UTP25: variants seen among roughly 807,000 people sequenced by gnomAD.
UTP25 encodes UTP25 small subunit processome component.
Under a neutral mutation model 78.9 loss-of-function variants are expected in UTP25, and 50 were observed. That is an observed-to-expected ratio of 0.63 (90% CI 0.50 to 0.80). The LOEUF is 0.80. UTP25 is among the 30% of genes least tolerant of loss of function. UTP25 has a pLI of 0.00. For missense variants in UTP25, 846 were observed against 911.3 expected (o/e 0.93, Z 0.92); for synonymous variants, 329 against 336.5 (o/e 0.98, Z 0.24).
At chr1:209,833,108 C>A (rs1471394486) in intron 3 of UTP25, 77 bp from the exon 4 acceptor site, 2 of 1,374,584 alleles carry the variant, frequency 1.5e-6, no homozygotes, top group Non-Finnish European at 2.0e-6. Flanking sequence ...GTTGGTATAG[C>A]CTAAGGAAAT....
chr1:209,830,905 G>A lies in UTP25; in HGVS notation c.250G>A (p.Glu84Lys), dbSNP rs2078099542. The change falls in exon 3 of 12, where the codon GAG (glutamate) becomes AAG (lysine). Residue 84 changes from glutamate (E) to lysine (K), a missense_variant. Glu to Lys is a moderately conservative substitution (Grantham distance 56). Transcript: ENST00000491415. ...RLLATLKNVS[E>K]EEEEDEEEEE... ...ACTTGCTACATTAAAGAATGTTTCT[G>A]AGGAAGAAGAGGAAGATGAGGAGGA... 2 of 1,613,810 alleles carry A rather than the reference G, an allele frequency of 1.2e-6. No individual in the cohort carries two copies. The highest frequency in any genetic ancestry group is 1.3e-5 in the African/African-American group (1 of 74,904).
intron 7 of UTP25, among the ~76,000 whole-genome samples, chr1:209,840,399 T>C (rs2078159753): frequency 6.6e-6 from 1 of 152,232 alleles, no homozygotes; most frequent in Non-Finnish European, 1.5e-5. Flanking sequence ...TGGAAACTAT[T>C]AGCAAGGAAA....
Position 209,836,635 on chromosome 1 carries a change from TC to T in UTP25, c.652-164del, listed in dbSNP as rs142891522. Among the ~76,000 whole-genome samples, 1,282 of 152,286 alleles carry T rather than the reference TC, an allele frequency of 8.4e-3. 20 individuals are homozygous for T. The highest frequency in any genetic ancestry group is 0.029 in the African/African-American group (1,223 of 41,564). On this transcript the variant is annotated intron_variant, in intron 5 of 11. Transcript: ENST00000491415. Reference sequence around the variant, plus strand: ...CAACCTCTGTATGAACCTCAGTGCTTCCTAAACTATAACATGAGTATCATGG... The same window carrying T: ...CAACCTCTGTATGAACCTCAGTGCTTCTAAACTATAACATGAGTATCATGG...
chr1:209,846,011 C>A (rs1370268262), intron 11 of UTP25, among the ~76,000 whole-genome samples: 1 of 151,944 alleles, frequency 6.6e-6, no homozygotes, highest in Non-Finnish European at 1.5e-5. Context: ...ATTGCATCAC[C>A]ACGCCTGGCT....
chr1:209,839,982 A>C (rs572238314), intron 7 of UTP25, among the ~76,000 whole-genome samples: 1 of 152,312 alleles, frequency 6.6e-6, no homozygotes, highest in Non-Finnish European at 1.5e-5. Context: ...CCAGTTTCAA[A>C]GGGAGGTGGC....
chr1:209,842,948 T>A, intron 10 of UTP25: 2 of 465,674 alleles, frequency 4.3e-6, no homozygotes, highest in Non-Finnish European at 7.6e-6. Context: ...CTCTTGACTG[T>A]GGCATTTTAA....
At position 209,852,782 on chromosome 1, in the gene UTP25, A is replaced by G. The variant is rs902266185; in HGVS notation, c.*1335A>G. The G allele has an allele frequency of 1.3e-5, 2 of 152,204 alleles. No homozygotes were observed. Among genetic ancestry groups the G allele is most frequent in the African/African-American group, 4.8e-5 (2 of 41,438 alleles). The allele number at this position is 152,204 out of a possible 1,614,324, so 9.4% of individuals were successfully genotyped here. A position where few individuals can be genotyped will look rare whatever the true frequency, so the allele number is the denominator to read the frequency against. Reference sequence around the variant, plus strand: ...TGGTCAGAACTTGGGAATTGTGTACATGTATGCACACACATATGTACACAC... The same window carrying G: ...TGGTCAGAACTTGGGAATTGTGTACGTGTATGCACACACATATGTACACAC... On this transcript the variant is annotated 3_prime_UTR_variant, in exon 12 of 12. Coordinates refer to ENST00000491415, the MANE Select transcript of UTP25 (RefSeq NM_014388.7).
chr1:209,837,252 G>T, intron 6 of UTP25, 41 bp downstream of exon 6: 3 of 1,587,304 alleles, frequency 1.9e-6, no homozygotes, highest in Non-Finnish European at 2.6e-6. Context: ...GGAGGTGGCT[G>T]CAAGGCACTG....
At chr1:209,846,479 A>G (rs126280) in intron 11 of UTP25, among the ~76,000 whole-genome samples, 120,398 of 152,062 alleles carry the variant, frequency 0.79, 47,697 homozygotes, top group African/African-American at 0.82. Context: ...GCTGCTGGGA[A>G]TTTCTGATTA....
chr1:209,837,115 T>C lies in UTP25; in HGVS notation c.966T>C (p.Asn322=), dbSNP rs145063139. 4.7e-4 allele frequency: 759 copies of C among 1,614,138 alleles called. 3 individuals are homozygous for C. In the African/African-American group the frequency reaches 9.0e-3, roughly 19 times the overall value. ...LHVINHILKA[N]AQVLGNNSRR... ...TGATAAATCACATCCTCAAAGCCAA[T>C]GCCCAGGTGCTTGGCAACAATAGCA... is the stretch of plus-strand genomic sequence containing the variant. Residue 322 remains asparagine (N), a synonymous_variant, in exon 6 of 12, where the codon AAT becomes AAC. Transcript: ENST00000491415.
chr1:209,833,294 C>A lies in UTP25; in HGVS notation c.498C>A (p.Phe166Leu), dbSNP rs1310799274. The part of the protein sequence containing the change: ...EFTDAKHESL[F>L]SLETNFLEEE... ...CAGATGCAAAACACGAGTCACTGTTCAGCCTGGAAACCAATTTTCTGGAAG... is the reference window on the plus strand; with the variant it reads ...CAGATGCAAAACACGAGTCACTGTTAAGCCTGGAAACCAATTTTCTGGAAG... The change falls in exon 4 of 12, where the codon TTC (phenylalanine) becomes TTA (leucine). Residue 166 changes from phenylalanine (F) to leucine (L), a missense_variant. Transcript: ENST00000491415. 9 of 1,600,556 alleles carry A rather than the reference C, an allele frequency of 5.6e-6. No individual in the cohort carries two copies. The highest frequency in any genetic ancestry group is 7.7e-6 in the Non-Finnish European group (9 of 1,176,090).
At chr1:209,846,099 C>T (rs975903302) in intron 11 of UTP25, among the ~76,000 whole-genome samples, 4 of 152,074 alleles carry the variant, frequency 2.6e-5, no homozygotes, top group African/African-American at 7.2e-5. Flanking sequence ...ATGTGATCTG[C>T]GCACTTCAGC....
intron 11 of UTP25, among the ~76,000 whole-genome samples, chr1:209,847,946 T>C (rs748545499): frequency 2.4e-4 from 37 of 152,252 alleles, no homozygotes; most frequent in Non-Finnish European, 4.1e-4. Flanking sequence ...TACTTTTTCA[T>C]GACATCGACA....
chr1:209,829,647 C>A (rs1456619299), intron 1 of UTP25, among the ~76,000 whole-genome samples: 8 of 91,958 alleles, frequency 8.7e-5, no homozygotes, highest in African/African-American at 3.3e-4. Context: ...CAACTCCGGG[C>A]TAATTTTTCT....
At chr1:209,828,304 T>C in intron 1 of UTP25, 134 bp downstream of exon 1, 1 of 688,264 alleles carries the variant, frequency 1.5e-6, no homozygotes, top group South Asian at 1.7e-5. Context: ...GCCGGGGAGA[T>C]TCTGGCGCCA....
Position 209,831,957 on chromosome 1 carries a change from C to T in UTP25, c.388+914C>T, listed in dbSNP as rs142046497. ...CTGAATATAGCTGGGTGACTTTTTA[C>T]TCATTATTTTAATGCCTATTTTTCT... On this transcript the variant is annotated intron_variant, in intron 3 of 11. Coordinates refer to ENST00000491415, the MANE Select transcript of UTP25 (RefSeq NM_014388.7). Among the ~76,000 whole-genome samples the T allele has an allele frequency of 3.9e-3, 587 of 151,516 alleles. 3 individuals are homozygous for T. Among genetic ancestry groups the T allele is most frequent in the Admixed American group, 7.6e-3 (115 of 15,204 alleles).
rs747086817 is a variant in UTP25, at chr1:209,843,664, A to C, written c.1995A>C (p.Leu665=). ...TCCTTCAAGGAGAGAAACAGTTTCT[A>C]CTTTTCACAGAGCGCTTCCATTTCT... ...HFFLQGEKQF[L]LFTERFHFYK... Residue 665 remains leucine (L), a synonymous_variant, in exon 11 of 12, where the codon CTA becomes CTC. Transcript: ENST00000491415. 7 of 1,613,896 alleles carry C rather than the reference A, an allele frequency of 4.3e-6. No individual in the cohort carries two copies. The highest frequency in any genetic ancestry group is 1.1e-5 in the South Asian group (1 of 91,084).
rs993724904 is a variant in UTP25, at chr1:209,851,655, AGAAGT to A, written c.*213_*217del. On this transcript the variant is annotated 3_prime_UTR_variant, in exon 12 of 12. Coordinates refer to ENST00000491415, the MANE Select transcript of UTP25 (RefSeq NM_014388.7). ...CAGATTTTGGTAAATCCCATCTTTC[AGAAGT>A]GAAGAGGGGGCTAGAAGGACTCTGA... 1 of 506,254 alleles carries A rather than the reference AGAAGT, an allele frequency of 2.0e-6. No individual in the cohort carries two copies. Among genetic ancestry groups the A allele is most frequent in the Non-Finnish European group, 3.2e-6 (1 of 309,666 alleles). 31.4% of individuals were successfully genotyped at this position (506,254 alleles called of 1,614,324 possible).
At chr1:209,844,873 T>C (rs757449059) in intron 11 of UTP25, among the ~76,000 whole-genome samples, 14 of 152,376 alleles carry the variant, frequency 9.2e-5, no homozygotes, top group Middle Eastern at 3.4e-3. Flanking sequence ...TGTAGAGTTA[T>C]GTAAATTACA....
Sources: allele counts gnomAD v4.1 joint callset (sites outside exome capture counted in the v4.1 genomes callset), GRCh38; gene constraint gnomAD v4.1.1; transcripts MANE v1.5; gene names NCBI Gene and HGNC (gene_info 2026-07-23, HGNC 2026-07-21).